Variants in PIK3R3 observed in about 807,000 individuals in gnomAD.
The protein encoded by PIK3R3 is phosphoinositide-3-kinase regulatory subunit 3, also known as phosphatidylinositol 3-kinase regulatory subunit gamma.
A neutral mutation model predicts 62.9 loss-of-function variants in PIK3R3; 64 were observed. That is an observed-to-expected ratio of 1.02 (90% CI 0.83 to 1.25). The LOEUF (loss-of-function observed/expected upper bound fraction) is 1.25. Ranked by LOEUF, PIK3R3 falls within the 50% of genes most tolerant of loss-of-function variation. The pLI is 0.00. For synonymous variants in PIK3R3, 165 were observed against 189.0 expected (o/e 0.87, Z 1.04); for missense variants, 614 against 561.6 (o/e 1.09, Z -0.94).
At chr1:46,088,110 T>C (rs1371757697) in intron 1 of PIK3R3, among the ~76,000 whole-genome samples, 2 of 152,138 alleles carry the variant, frequency 1.3e-5, no homozygotes, top group Non-Finnish European at 2.9e-5. Context: ...AACAGCTGAG[T>C]GTGATGGCTC....
chr1:46,136,181 T>C (rs1216459476), upstream of PIK3R3, among the ~76,000 whole-genome samples: 1 of 152,070 alleles, frequency 6.6e-6, no homozygotes, highest in Non-Finnish European at 1.5e-5. Flanking sequence ...CCATTTTCCC[T>C]TGACCACTTG....
At chr1:46,115,704 G>A (rs942713593) in intron 1 of PIK3R3, among the ~76,000 whole-genome samples, 13 of 152,140 alleles carry the variant, frequency 8.5e-5, no homozygotes, top group Admixed American at 7.9e-4. Context: ...GAACCACCTC[G>A]TTGTCCTTCT....
At chr1:46,171,998 A>C in the PIK3R3 span, among the ~76,000 whole-genome samples, 9 of 152,088 alleles carry the variant, frequency 5.9e-5, no homozygotes, top group Non-Finnish European at 1.2e-4. Context: ...CCTGCAGCAC[A>C]TGGCTGAAGC....
intron 1 of PIK3R3, among the ~76,000 whole-genome samples, chr1:46,093,374 A>G (rs949020882): frequency 6.6e-6 from 1 of 152,220 alleles, no homozygotes; most frequent in African/African-American, 2.4e-5. Flanking sequence ...GAAAAGAAAT[A>G]CTGTAAGGGA....
At chr1:46,132,694 C>T, upstream of PIK3R3, 1 of 1,289,694 alleles carries the variant, frequency 7.8e-7, no homozygotes, top group Non-Finnish European at 1.0e-6. Flanking sequence ...CCCCATGCTG[C>T]CCACCCGCTG....
chr1:46,064,030 T>A (rs1164167804), intron 5 of PIK3R3, among the ~76,000 whole-genome samples: 1 of 151,906 alleles, frequency 6.6e-6, no homozygotes, highest in Non-Finnish European at 1.5e-5. Context: ...CTGACCAACA[T>A]GGCGAAATCC....
intron 5 of PIK3R3, among the ~76,000 whole-genome samples, chr1:46,063,056 A>C (rs1648662425): frequency 6.6e-6 from 1 of 152,240 alleles, no homozygotes; most frequent in South Asian, 2.1e-4. Flanking sequence ...TCCAGGACTC[A>C]GAATATACAG....
chr1:46,062,219 G>A (rs1030652219), intron 5 of PIK3R3, 148 bp from the exon 6 acceptor site: 12 of 641,554 alleles, frequency 1.9e-5, no homozygotes, highest in South Asian at 1.6e-4. Context: ...TGTTTAGGAG[G>A]ACTAAAACAA....
chr1:46,163,767 C>T, the PIK3R3 span, among the ~76,000 whole-genome samples: 1 of 152,162 alleles, frequency 6.6e-6, no homozygotes, highest in Non-Finnish European at 1.5e-5. Flanking sequence ...GTCACACAGA[C>T]CTTCATTCAC....
chr1:46,045,998 C>T lies in PIK3R3; in HGVS notation c.1107G>A (p.Glu369=), dbSNP rs1196637058. The change falls in exon 9 of 10, where the codon GAG becomes GAA. Residue 369 remains glutamate (E), a synonymous_variant. Coordinates refer to ENST00000262741, the MANE Select transcript of PIK3R3 (RefSeq NM_003629.4). The part of the protein sequence containing the change: ...FVEDINRVQA[E]DLLYGKPDGA... Reference sequence around the variant, plus strand: ...CATCAGGTTTCCCATAAAGCAAGTCCTCTGCTTGTACTCGATTGATATCCT... The same window carrying T: ...CATCAGGTTTCCCATAAAGCAAGTCTTCTGCTTGTACTCGATTGATATCCT... 1.9e-6 allele frequency: 3 copies of T among 1,611,750 alleles called. No homozygotes were observed. The highest frequency in any genetic ancestry group is 2.5e-6 in the Non-Finnish European group (3 of 1,178,156).
rs370501368 is a variant in PIK3R3, at chr1:46,045,644, T to TTTTTTTTTTTTTTTTTTTTTTTC, written c.1187+273_1187+274insGAAAAAAAAAAAAAAAAAAAAAA. Among the ~76,000 whole-genome samples, 9 of 82,680 alleles carry TTTTTTTTTTTTTTTTTTTTTTTC rather than the reference T, an allele frequency of 1.1e-4. 1 individual carries two copies. Among genetic ancestry groups the TTTTTTTTTTTTTTTTTTTTTTTC allele is most frequent in the Non-Finnish European group, 1.9e-4 (8 of 42,650 alleles). 54.2% of individuals were successfully genotyped at this position (82,680 alleles called of 152,430 possible). ...TTTTTTTTTTTTTTTTTTTTTTTTT[T>TTTTTTTTTTTTTTTTTTTTTTTC]CAATTTAAGATCTCACATTACCTTT... is the stretch of plus-strand genomic sequence containing the variant. On this transcript the variant is annotated intron_variant, in intron 9 of 9. Transcript: ENST00000262741.
chr1:46,128,013 A>G (rs1010668556), intron 1 of PIK3R3, among the ~76,000 whole-genome samples: 12 of 152,220 alleles, frequency 7.9e-5, no homozygotes, highest in African/African-American at 2.9e-4. Context: ...GTTATTAGGA[A>G]CCTTCAGGAT....
At chr1:46,108,045 A>C (rs1157518989) in intron 1 of PIK3R3, among the ~76,000 whole-genome samples, 1 of 152,204 alleles carries the variant, frequency 6.6e-6, no homozygotes, top group Non-Finnish European at 1.5e-5. Context: ...AATTGTCTTC[A>C]TGTGAATAGG....
rs373106911 is a variant in PIK3R3, at chr1:46,131,935, C to T, written c.18G>A (p.Trp6Ter). 5 of 1,613,870 alleles carry T rather than the reference C, an allele frequency of 3.1e-6. No homozygotes were observed. The highest frequency in any genetic ancestry group is 4.2e-6 in the Non-Finnish European group (5 of 1,179,930). MYNTV[W>*]SMDRDDADWR... ...AGTCTGCGTCATCGCGGTCCATACT[C>T]CACACCGTATTGTACATCGCGCTGT... The change falls in exon 1 of 10, where the codon TGG becomes TGA. Residue 6 changes from tryptophan to a stop codon, truncating the protein, a stop_gained. Coordinates refer to ENST00000262741, the MANE Select transcript of PIK3R3 (RefSeq NM_003629.4). LOFTEE classifies it high-confidence loss of function.
At chr1:46,144,504 T>C in the PIK3R3 span, among the ~76,000 whole-genome samples, 1 of 152,216 alleles carries the variant, frequency 6.6e-6, no homozygotes, top group Non-Finnish European at 1.5e-5. Flanking sequence ...GTGCGGTGGC[T>C]CATGCCTGCA....
chr1:46,159,628 G>A, the PIK3R3 span, among the ~76,000 whole-genome samples: 267 of 151,962 alleles, frequency 1.8e-3, no homozygotes, highest in Non-Finnish European at 2.4e-3. Context: ...CATCACCTCC[G>A]GCTCTAAGTT....
At chr1:46,137,428 G>A (rs1655971224), upstream of PIK3R3, among the ~76,000 whole-genome samples, 1 of 152,228 alleles carries the variant, frequency 6.6e-6, no homozygotes, top group Non-Finnish European at 1.5e-5. Flanking sequence ...GAAGCTTCCT[G>A]GAAGAGGTGA....
intron 1 of PIK3R3, among the ~76,000 whole-genome samples, chr1:46,127,753 G>A (rs1011142896): frequency 3.9e-5 from 6 of 152,160 alleles, no homozygotes; most frequent in South Asian, 2.1e-4. Flanking sequence ...TTGTAGAAAT[G>A]GCATCTCTAC....
At chr1:46,098,898 C>T (rs990974813) in intron 1 of PIK3R3, among the ~76,000 whole-genome samples, 2 of 151,924 alleles carry the variant, frequency 1.3e-5, no homozygotes, top group Non-Finnish European at 2.9e-5. Context: ...GACAGGGTCT[C>T]GCTAAATTGC....
Sources: allele counts gnomAD v4.1 joint callset (sites outside exome capture counted in the v4.1 genomes callset), GRCh38; gene constraint gnomAD v4.1.1; transcripts MANE v1.5; gene names NCBI Gene and HGNC (gene_info 2026-07-23, HGNC 2026-07-21).